CPLANE1: variants seen among roughly 807,000 people sequenced by gnomAD.
The protein encoded by CPLANE1 is ciliogenesis and planar polarity effector 1.
A neutral mutation model predicts 362.5 loss-of-function variants in CPLANE1; 263 were observed. The observed-to-expected ratio is 0.73, with a 90% CI of 0.66 to 0.80. The LOEUF is 0.80. Among genes scored for constraint, CPLANE1 ranks in the 30% least tolerant of loss-of-function variants. The pLI, the probability that CPLANE1 is intolerant of heterozygous loss-of-function variation, is 0.00. For missense variants in CPLANE1, 3,461 were observed against 3,793.4 expected (o/e 0.91, Z 2.30); for synonymous variants, 1,212 against 1,302.6 (o/e 0.93, Z 1.50).
the CPLANE1 span, chr5:37,085,528 C>A: frequency 6.2e-6 from 5 of 808,792 alleles, no homozygotes; most frequent in Non-Finnish European, 1.1e-5. Flanking sequence ...GTAAATGATA[C>A]CATTCAGACT....
chr5:37,178,646 A>C (rs1781865920), intron 29 of CPLANE1, among the ~76,000 whole-genome samples: 1 of 152,134 alleles, frequency 6.6e-6, no homozygotes, highest in African/African-American at 2.4e-5. Context: ...GAATTGTTAC[A>C]ATAATTGGAA....
intron 16 of CPLANE1, chr5:37,211,431 C>T (rs992227909): frequency 3.5e-5 from 53 of 1,499,846 alleles, no homozygotes; most frequent in Admixed American, 4.5e-5. Flanking sequence ...CCCGGAAAGA[C>T]GTATTTTTGC....
rs1043432145 is a variant in CPLANE1, at chr5:37,245,376, C to T, written c.337+103G>A. ...ACACACACTCAGATATACATATGCA[C>T]ATACACAGAAATACATTTTCAAGAC... On this transcript the variant is annotated intron_variant, in intron 4 of 52. Coordinates refer to ENST00000651892, the MANE Select transcript of CPLANE1 (RefSeq NM_001384732.1). 110 of 567,532 alleles carry T rather than the reference C, an allele frequency of 1.9e-4. 1 individual carries two copies. Among genetic ancestry groups the T allele is most frequent in the Non-Finnish European group, 2.5e-4 (103 of 411,166 alleles). The allele number at this position is 567,532 out of a possible 1,614,324, so 35.2% of individuals were successfully genotyped here.
Position 37,180,223 on chromosome 5 carries a change from G to C in CPLANE1, c.5571-40C>G, listed in dbSNP as rs10472284. ...GCAACTAAAATTACAACTATTCTTG[G>C]AGATAAAGAGCTAATTCAGTTTTGG... On this transcript the variant is annotated intron_variant, in intron 27 of 52. Transcript: ENST00000651892. 3.0e-3 allele frequency: 3,949 copies of C among 1,328,754 alleles called. 113 individuals carry two copies. The African/African-American group carries it at 0.052, about 17-fold the overall frequency. The allele number at this position is 1,328,754 out of a possible 1,614,324, so 82.3% of individuals were successfully genotyped here.
rs1223152661 is a variant in CPLANE1, at chr5:37,226,485, T to C, written c.2110A>G (p.Ile704Val). Reference sequence around the variant, plus strand: ...GCTGAAATAACTTCAGGTTGAAGAATGTATACACCATTTAAATTGTCAGCT... The same window carrying C: ...GCTGAAATAACTTCAGGTTGAAGAACGTATACACCATTTAAATTGTCAGCT... ...MVADNLNGVY[I>V]LQPEVISASA... is the part of the protein sequence containing the mutation. The change falls in exon 12 of 53, where the codon ATT (isoleucine) becomes GTT (valine). Residue 704 changes from isoleucine (I) to valine (V), a missense_variant. This residue lies in a region of CPLANE1 where 3,380 missense variants were observed against 3,666.1 expected (regional missense o/e 0.92). Transcript: ENST00000651892. 16 of 1,550,158 alleles carry C rather than the reference T, an allele frequency of 1.0e-5. No homozygotes were observed. The highest frequency in any genetic ancestry group is 1.3e-5 in the Non-Finnish European group (15 of 1,146,480).
At chr5:37,158,146 C>T in intron 39 of CPLANE1, 78 bp downstream of exon 39, 1 of 1,453,990 alleles carries the variant, frequency 6.9e-7, no homozygotes, top group Admixed American at 1.8e-5. Context: ...TTTCATCTAC[C>T]CAATTGAATA....
intron 6 of CPLANE1, among the ~76,000 whole-genome samples, chr5:37,241,841 G>C (rs998766817): frequency 6.6e-6 from 1 of 151,740 alleles, no homozygotes; most frequent in African/African-American, 2.4e-5. Flanking sequence ...TGTTGTCCAG[G>C]CTGGTCTTGA....
At chr5:37,155,401 G>T (rs2150662184) in intron 41 of CPLANE1, among the ~76,000 whole-genome samples, 1 of 152,202 alleles carries the variant, frequency 6.6e-6, no homozygotes, top group Non-Finnish European at 1.5e-5. Context: ...TTGAGACATG[G>T]TCTTGCTCTA....
At chr5:37,193,778 G>A (rs946129075) in intron 21 of CPLANE1, among the ~76,000 whole-genome samples, 3 of 151,814 alleles carry the variant, frequency 2.0e-5, no homozygotes, top group South Asian at 2.1e-4. Context: ...TTGTTCTGCC[G>A]CCCGGGCTGG....
intron 15 of CPLANE1, among the ~76,000 whole-genome samples, chr5:37,216,148 TGC>T (rs1794035152): frequency 6.6e-6 from 1 of 152,174 alleles, no homozygotes. Context: ...AGATTCTTAA[TGC>T]TTTTGTCTGT....
At chr5:37,246,751 T>C (rs749087811) in intron 2 of CPLANE1, among the ~76,000 whole-genome samples, 63 of 151,932 alleles carry the variant, frequency 4.1e-4, no homozygotes, top group Non-Finnish European at 7.7e-4. Flanking sequence ...CTACTAAAAA[T>C]ATAAAAATTA....
At position 37,122,553 on chromosome 5, in the gene CPLANE1, A is replaced by G. The variant is rs1438087089; in HGVS notation, c.8959-65T>C. On this transcript the variant is annotated intron_variant, in intron 47 of 52. Coordinates refer to ENST00000651892, the MANE Select transcript of CPLANE1 (RefSeq NM_001384732.1). The stretch of plus-strand genomic sequence containing the variant: ...CCAAATAATTAAACCATTACACATA[A>G]TTCTGTTATTTAGGAAACAGTACAA... 15 of 1,247,544 alleles carry G rather than the reference A, an allele frequency of 1.2e-5. No individual in the cohort carries two copies. In the Admixed American group the frequency reaches 1.7e-4, roughly 14 times the overall value. 77.3% of individuals were successfully genotyped at this position (1,247,544 alleles called of 1,614,324 possible). A position where few individuals can be genotyped will look rare whatever the true frequency, so the allele number is the denominator to read the frequency against.
At position 37,153,620 on chromosome 5, in the gene CPLANE1, C is replaced by A. The variant is rs544092729; in HGVS notation, c.8373+120G>T. ...TGTCAATAGTGCTGAGGTTGACAAA[C>A]CCTAGCTTAAAGAAAACAAAGTTCT... On this transcript the variant is annotated intron_variant, in intron 42 of 52. Coordinates refer to ENST00000651892, the MANE Select transcript of CPLANE1 (RefSeq NM_001384732.1). 99 of 1,025,874 alleles carry A rather than the reference C, an allele frequency of 9.7e-5. No individual in the cohort carries two copies. The Middle Eastern group carries it at 1.2e-3, about 12-fold the overall frequency. The allele number at this position is 1,025,874 out of a possible 1,614,324, so 63.5% of individuals were successfully genotyped here.
At chr5:37,187,595 T>C in intron 22 of CPLANE1, 23 bp from the exon 23 acceptor site, 1 of 1,592,206 alleles carries the variant, frequency 6.3e-7, no homozygotes, top group Non-Finnish European at 8.5e-7. Flanking sequence ...TGAAAAACAT[T>C]CATTTCCTTT....
intron 46 of CPLANE1, among the ~76,000 whole-genome samples, chr5:37,135,052 CA>C (rs1458421121): frequency 6.6e-6 from 1 of 152,158 alleles, no homozygotes; most frequent in Non-Finnish European, 1.5e-5. Context: ...CTCAGCCTCC[CA>C]AAGTGCTGGG....
At position 37,209,858 on chromosome 5, in the gene CPLANE1, G is replaced by A. The variant is rs890565316; in HGVS notation, c.2921-3433C>T. On this transcript the variant is annotated intron_variant, in intron 16 of 52. Coordinates refer to ENST00000651892, the MANE Select transcript of CPLANE1 (RefSeq NM_001384732.1). This position sits in a 1 kb window ranked among gnomAD's most constrained non-coding sequence, Gnocchi z 4.6. ...GTAATATGGAAACTCAGACAAGTTC[G>A]ACATTTAGCAGAGATTCTCTGGCTG... The A allele has an allele frequency of 9.5e-6, 13 of 1,370,204 alleles. No homozygotes were observed. The highest frequency in any genetic ancestry group is 2.9e-5 in the African/African-American group (2 of 70,028). 84.9% of individuals were successfully genotyped at this position (1,370,204 alleles called of 1,614,324 possible).
chr5:37,238,062 G>C (rs1180904732), intron 8 of CPLANE1, among the ~76,000 whole-genome samples: 1 of 152,098 alleles, frequency 6.6e-6, no homozygotes, highest in Admixed American at 6.6e-5. Context: ...CACACCTGTA[G>C]TCCCAGCTAC....
At chr5:37,153,269 A>T (rs1774077390) in intron 42 of CPLANE1, among the ~76,000 whole-genome samples, 1 of 152,220 alleles carries the variant, frequency 6.6e-6, no homozygotes, top group South Asian at 2.1e-4. Flanking sequence ...AGATGGCTTC[A>T]CTGAATTCTA....
Position 37,239,614 on chromosome 5 carries a change from A to T in CPLANE1, c.834+99T>A, listed in dbSNP as rs906346010. On this transcript the variant is annotated intron_variant, in intron 7 of 52. Transcript: ENST00000651892. ...AAAAAAAAAAAACCAGAAAGAAAAA[A>T]AAAATGGATATAAAGGAGTATTTAG... 16 of 867,098 alleles carry T rather than the reference A, an allele frequency of 1.8e-5. No homozygotes were observed. The African/African-American group carries it at 2.6e-4, about 14-fold the overall frequency. The allele number at this position is 867,098 out of a possible 1,614,324, so 53.7% of individuals were successfully genotyped here.
Sources: allele counts gnomAD v4.1 joint callset (sites outside exome capture counted in the v4.1 genomes callset), GRCh38; gene constraint gnomAD v4.1.1; regional missense constraint gnomAD v4.1.1; non-coding constraint Gnocchi (gnomAD v3.1); transcripts MANE v1.5; gene names NCBI Gene and HGNC (gene_info 2026-07-23, HGNC 2026-07-21).